TNR: variants seen among roughly 807,000 people sequenced by gnomAD.
TNR encodes tenascin R.
Under a neutral mutation model 150.4 loss-of-function variants are expected in TNR, and 45 were observed. That is an observed-to-expected ratio of 0.30 (90% CI 0.24 to 0.38). The LOEUF is 0.38. TNR is among the 10% of genes least tolerant of loss of function. The pLI is 1.00. For missense variants in TNR, 1,544 were observed against 1,759.1 expected (o/e 0.88, Z 2.19); for synonymous variants, 687 against 678.4 (o/e 1.01, Z -0.20).
chr1:175,579,442 C>A (rs1304326618), intron 1 of TNR, among the ~76,000 whole-genome samples: 1 of 151,852 alleles, frequency 6.6e-6, no homozygotes, highest in Non-Finnish European at 1.5e-5. Context: ...ATAGGTGGGA[C>A]TGGCAGACCA....
In TNR at chr1:175,403,509, A is replaced by G. The variant is rs144225111; in HGVS notation, c.607T>C (p.Tyr203His). The change falls in exon 4 of 23, where the codon TAC becomes CAC. Residue 203 changes from tyrosine to histidine, a missense_variant. Physicochemically the swap from Tyr to His is moderately conservative, Grantham distance 83 (BLOSUM62 2). Coordinates refer to ENST00000367674, the MANE Select transcript of TNR (RefSeq NM_003285.3). ...CGGCTGGAGCAACCCAGCGGGCAGT[A>G]GGGCTCCGAGCAATTCTTGCCAAAC... The part of the protein sequence containing the change: ...GWFGKNCSEP[Y>H]CPLGCSSRGV... 6.1e-5 allele frequency: 99 copies of G among 1,614,132 alleles called. No homozygotes were observed. The African/African-American group carries it at 1.3e-3, about 20-fold the overall frequency.
At chr1:175,602,979 C>T (rs1009244873) in intron 1 of TNR, among the ~76,000 whole-genome samples, 9 of 151,846 alleles carry the variant, frequency 5.9e-5, no homozygotes, top group African/African-American at 2.2e-4. Context: ...CAAATCTTTC[C>T]TAGAATAAAG....
At chr1:175,611,661 C>T (rs565768693) in intron 1 of TNR, among the ~76,000 whole-genome samples, 1 of 152,278 alleles carries the variant, frequency 6.6e-6, no homozygotes, top group Admixed American at 6.5e-5. Context: ...ATCTCCATCT[C>T]TTTCTTTTCC....
At chr1:175,407,330 C>A (rs1188084324) in intron 2 of TNR, among the ~76,000 whole-genome samples, 3 of 152,154 alleles carry the variant, frequency 2.0e-5, no homozygotes, top group Non-Finnish European at 4.4e-5. Flanking sequence ...TGTTAATAAA[C>A]CTTGGGTACA....
intron 7 of TNR, among the ~76,000 whole-genome samples, chr1:175,388,032 A>T (rs1217814949): frequency 6.6e-6 from 1 of 152,198 alleles, no homozygotes; most frequent in Non-Finnish European, 1.5e-5. Context: ...GAATATATCC[A>T]GTTTCTTTTC....
intron 19 of TNR, among the ~76,000 whole-genome samples, chr1:175,336,099 A>G (rs773819896): frequency 7.2e-5 from 11 of 152,234 alleles, no homozygotes; most frequent in Non-Finnish European, 1.3e-4. Flanking sequence ...GACTCAGGAT[A>G]CATATCAAGC....
intron 1 of TNR, among the ~76,000 whole-genome samples, chr1:175,548,372 T>C (rs2102197004): frequency 6.6e-6 from 1 of 152,234 alleles, no homozygotes; most frequent in South Asian, 2.1e-4. Context: ...CTACTCTATC[T>C]AGTAGCTGCA....
rs561147645 is a variant in TNR, at chr1:175,562,811, G to T, written c.-164-34442C>A. 5.1e-4 allele frequency among the ~76,000 whole-genome samples: 78 copies of T among 152,322 alleles called. 1 individual carries two copies. Among genetic ancestry groups the T allele is most frequent in the African/African-American group, 1.8e-3 (76 of 41,574 alleles). ...GCTGCTGTCATGAGCAGTCCATTTT[G>T]CTTTTTCTCTGCCAGGCTCCAAACA... On this transcript the variant is annotated intron_variant, in intron 1 of 22. Transcript: ENST00000367674.
At chr1:175,522,399 A>G (rs943874385) in intron 2 of TNR, among the ~76,000 whole-genome samples, 1 of 152,202 alleles carries the variant, frequency 6.6e-6, no homozygotes, top group Non-Finnish European at 1.5e-5. Context: ...TTGGACACTC[A>G]GCATGAAAGT....
intron 2 of TNR, among the ~76,000 whole-genome samples, chr1:175,491,293 T>C (rs933911868): frequency 5.9e-5 from 9 of 152,200 alleles, no homozygotes; most frequent in African/African-American, 1.4e-4. Flanking sequence ...GGTGATGGGA[T>C]GATCTGTGTA....
At chr1:175,516,609 TG>T (rs1659416044) in intron 2 of TNR, among the ~76,000 whole-genome samples, 1 of 152,208 alleles carries the variant, frequency 6.6e-6, no homozygotes, top group Non-Finnish European at 1.5e-5. Flanking sequence ...CACTCCCTTC[TG>T]GGTTTCTGTT....
rs766080908 is a variant in TNR at position 175,379,592 on chromosome 1, G to T, written c.1923C>A (p.Val641=). 1 of 1,613,932 alleles carries T rather than the reference G, an allele frequency of 6.2e-7. No individual in the cohort carries two copies. Among genetic ancestry groups the T allele is most frequent in the Non-Finnish European group, 8.5e-7 (1 of 1,180,010 alleles). Residue 641 remains valine (V), a synonymous_variant, in exon 9 of 23, where the codon GTC becomes GTA. Transcript: ENST00000367674. ...TGGTGGTTGGACCAATGCCCCTGGGGACCAGTACCTCATGATATTGCTCAC... is the reference window on the plus strand; with the variant it reads ...TGGTGGTTGGACCAATGCCCCTGGGTACCAGTACCTCATGATATTGCTCAC... ...LAGEQYHEVL[V]PRGIGPTTRA...
Position 175,698,159 on chromosome 1 carries a change from C to T in TNR, c.-165+45067G>A, listed in dbSNP as rs138607410. On this transcript the variant is annotated intron_variant, in intron 1 of 22. Transcript: ENST00000367674. ...CCAGTGTGTGGGCAGGGACACTACC[C>T]TGGTGGCACTTACAATCTAGGTTAG... Among the ~76,000 whole-genome samples, 234 of 152,324 alleles carry T rather than the reference C, an allele frequency of 1.5e-3. 4 individuals are homozygous for T. The highest frequency in any genetic ancestry group is 5.4e-3 in the African/African-American group (224 of 41,574).
At chr1:175,558,272 T>TA (rs367651145) in intron 1 of TNR, among the ~76,000 whole-genome samples, 38,988 of 148,454 alleles carry the variant, frequency 0.26, 5,054 homozygotes, top group African/African-American at 0.28. Context: ...TAAAGTATAA[T>TA]AATAAAAAAA....
chr1:175,424,109 A>G (rs1654869085), intron 2 of TNR, among the ~76,000 whole-genome samples: 1 of 152,190 alleles, frequency 6.6e-6, no homozygotes, highest in Non-Finnish European at 1.5e-5. Flanking sequence ...GGTTTTTTCC[A>G]CTTTTTAATC....
rs575187378 is a variant in TNR at position 175,726,293 on chromosome 1, A to G, written c.-165+16933T>C. On this transcript the variant is annotated intron_variant, in intron 1 of 22. Transcript: ENST00000367674. The stretch of plus-strand genomic sequence containing the variant: ...CCTATGTTACATTCAGCAGTGCTAT[A>G]GAAGACCAGGAAATGATGAGCAGCA... 4.6e-5 allele frequency among the ~76,000 whole-genome samples: 7 copies of G among 152,378 alleles called. No individual in the cohort carries two copies. The South Asian group carries it at 1.4e-3, about 32-fold the overall frequency.
intron 2 of TNR, among the ~76,000 whole-genome samples, chr1:175,494,330 G>A (rs1658386703): frequency 6.6e-6 from 1 of 152,242 alleles, no homozygotes; most frequent in South Asian, 2.1e-4. Context: ...ATGTTAATCT[G>A]GGGCGGGAGC....
intron 1 of TNR, among the ~76,000 whole-genome samples, chr1:175,727,840 G>C (rs1415304558): frequency 6.6e-6 from 1 of 152,106 alleles, no homozygotes; most frequent in East Asian, 1.9e-4. Flanking sequence ...TAAAATACAA[G>C]GCAAGGTCAT....
At chr1:175,644,591 T>C (rs534030666) in intron 1 of TNR, among the ~76,000 whole-genome samples, 2 of 152,364 alleles carry the variant, frequency 1.3e-5, no homozygotes, top group East Asian at 3.9e-4. Flanking sequence ...AAGGTGACAA[T>C]GTCCTGGGCC....
Sources: allele counts gnomAD v4.1 joint callset (sites outside exome capture counted in the v4.1 genomes callset), GRCh38; gene constraint gnomAD v4.1.1; transcripts MANE v1.5; gene names NCBI Gene and HGNC (gene_info 2026-07-23, HGNC 2026-07-21).